The following NCKAP5 variants were observed in gnomAD, a reference collection of about 807,000 sequenced individuals.
NCKAP5 encodes the protein nck-associated protein 5.
Under a neutral mutation model 167.0 loss-of-function variants are expected in NCKAP5, and 92 were observed. That is an observed-to-expected ratio of 0.55 (90% CI 0.47 to 0.66). The LOEUF is 0.66. Ranked by LOEUF, NCKAP5 falls within the 30% of genes least tolerant of loss-of-function variation. The pLI, the probability that NCKAP5 is intolerant of heterozygous loss-of-function variation, is 0.00. For synonymous variants in NCKAP5, 891 were observed against 877.4 expected, an observed-to-expected ratio of 1.02 and a Z score of -0.27; for missense variants, 2,378 against 2,315.0, an observed-to-expected ratio of 1.03 and a Z score of -0.56.
chr2:132,735,073 G>T (rs1691382510), intron 16 of NCKAP5, among the ~76,000 whole-genome samples: 1 of 152,224 alleles, frequency 6.6e-6, no homozygotes, highest in African/African-American at 2.4e-5. Flanking sequence ...CTGGTCCTTT[G>T]CAGGATGCCT....
intron 8 of NCKAP5, among the ~76,000 whole-genome samples, chr2:132,882,528 G>T (rs569135058): frequency 6.6e-6 from 1 of 152,188 alleles, no homozygotes; most frequent in Admixed American, 6.5e-5. Context: ...CCAAACCAGT[G>T]CTAGGAAAAG....
At chr2:132,842,739 T>C (rs536206271) in intron 11 of NCKAP5, among the ~76,000 whole-genome samples, 2 of 152,004 alleles carry the variant, frequency 1.3e-5, no homozygotes, top group South Asian at 4.1e-4. Context: ...TTTTTTTCAC[T>C]TTGTTGCCTA....
chr2:132,752,195 T>C (rs1037484804), intron 16 of NCKAP5, among the ~76,000 whole-genome samples: 2 of 152,234 alleles, frequency 1.3e-5, no homozygotes, highest in African/African-American at 4.8e-5. Flanking sequence ...AAATATGCCA[T>C]TTGCAGGCAT....
chr2:132,758,232 G>A (rs980322465), intron 16 of NCKAP5, among the ~76,000 whole-genome samples: 32 of 152,260 alleles, frequency 2.1e-4, no homozygotes, highest in Admixed American at 5.2e-4. Flanking sequence ...TGGTTTGGTC[G>A]CACTGGTGGA....
chr2:133,635,409 T>G, the NCKAP5 span, among the ~76,000 whole-genome samples: 1 of 152,328 alleles, frequency 6.6e-6, no homozygotes, highest in Non-Finnish European at 1.5e-5. Flanking sequence ...GAGTATCTTC[T>G]GGGAAGACTC....
chr2:132,994,300 C>A, intron 6 of NCKAP5, 61 bp from the exon 7 acceptor site: 1 of 1,229,782 alleles, frequency 8.1e-7, no homozygotes, highest in South Asian at 1.4e-5. Flanking sequence ...CGGATCCACT[C>A]GAGTTGTAGA....
chr2:133,103,174 A>G (rs1283476340), intron 6 of NCKAP5, among the ~76,000 whole-genome samples: 2 of 152,162 alleles, frequency 1.3e-5, no homozygotes, highest in African/African-American at 4.8e-5. Context: ...ACTTTTCTAC[A>G]TGAATGAATG....
chr2:133,593,136 C>G, the NCKAP5 span, among the ~76,000 whole-genome samples: 1 of 152,280 alleles, frequency 6.6e-6, no homozygotes, highest in East Asian at 1.9e-4. Flanking sequence ...CCTAACAAAG[C>G]TGATGCAGAA....
chr2:132,867,327 C>T (rs1010306987), intron 10 of NCKAP5, among the ~76,000 whole-genome samples: 12 of 151,984 alleles, frequency 7.9e-5, no homozygotes, highest in Non-Finnish European at 1.2e-4. Flanking sequence ...GAAAAACAAT[C>T]GAGAAATTAA....
intron 5 of NCKAP5, among the ~76,000 whole-genome samples, chr2:133,141,109 T>C (rs1451005360): frequency 6.6e-6 from 1 of 152,144 alleles, no homozygotes; most frequent in Non-Finnish European, 1.5e-5. Context: ...TAATCCTGAC[T>C]GAGGATAATG....
chr2:133,388,637 G>A (rs1687171091), intron 3 of NCKAP5, among the ~76,000 whole-genome samples: 1 of 152,222 alleles, frequency 6.6e-6, no homozygotes, highest in Admixed American at 6.5e-5. Context: ...CCCACAGGTG[G>A]AGTCTACAGA....
At chr2:132,728,408 C>A (rs1690671165) in intron 18 of NCKAP5, among the ~76,000 whole-genome samples, 1 of 152,146 alleles carries the variant, frequency 6.6e-6, no homozygotes, top group Non-Finnish European at 1.5e-5. Context: ...TCCTTAAAAG[C>A]AATAGAATTA....
At chr2:132,832,650 T>G (rs1687604956) in intron 11 of NCKAP5, among the ~76,000 whole-genome samples, 1 of 152,192 alleles carries the variant, frequency 6.6e-6, no homozygotes, top group African/African-American at 2.4e-5. Flanking sequence ...TTGCTTCACT[T>G]AAGAAAATGA....
chr2:132,933,497 C>G (rs1574681822), intron 8 of NCKAP5, among the ~76,000 whole-genome samples: 1 of 152,270 alleles, frequency 6.6e-6, no homozygotes, highest in East Asian at 1.9e-4. Context: ...GGAAATTTTT[C>G]CAAGTATGCA....
intron 16 of NCKAP5, among the ~76,000 whole-genome samples, chr2:132,751,941 C>A (rs1680149868): frequency 6.6e-6 from 1 of 152,212 alleles, no homozygotes; most frequent in Admixed American, 6.5e-5. Context: ...GGGAAAAGAC[C>A]ATTTCATCTG....
intron 19 of NCKAP5, among the ~76,000 whole-genome samples, chr2:132,722,926 C>T (rs556315263): frequency 6.6e-6 from 1 of 152,152 alleles, no homozygotes; most frequent in African/African-American, 2.4e-5. Context: ...AGCAAGCCTC[C>T]CACCTTCCTC....
Position 133,378,595 on chromosome 2 carries a change from C to T in NCKAP5, c.70-75485G>A, listed in dbSNP as rs151152470. Among the ~76,000 whole-genome samples the T allele has an allele frequency of 1.7e-4, 26 of 152,268 alleles. No individual in the cohort carries two copies. The East Asian group carries it at 4.4e-3, about 26-fold the overall frequency. ...GCCCACACTTCCTTCCCAAGTCTAG[C>T]TGTTGCAGCAGTCTGGGAGCATCCC... On this transcript the variant is annotated intron_variant, in intron 3 of 19. Transcript: ENST00000409261.
Position 132,785,143 on chromosome 2 carries a change from C to T in NCKAP5, c.1668G>A (p.Thr556=), listed in dbSNP as rs773676615. The T allele has an allele frequency of 2.9e-5, 47 of 1,610,076 alleles. No homozygotes were observed. The highest frequency in any genetic ancestry group is 2.0e-4 in the South Asian group (18 of 90,488). Reference sequence around the variant, plus strand: ...GGCCCCTCTCCCTCTGTACCTGAGGCGTCTGCACACTTGGGCACAGCTTCA... The same window carrying T: ...GGCCCCTCTCCCTCTGTACCTGAGGTGTCTGCACACTTGGGCACAGCTTCA... ...LEMKLCPSVQ[T]PQVQRERGPQ... is the part of the protein sequence containing the mutation. The change falls in exon 14 of 20, where the codon ACG becomes ACA. Residue 556 remains threonine, a synonymous_variant. Coordinates refer to ENST00000409261, the MANE Select transcript of NCKAP5 (RefSeq NM_207363.3).
Position 133,478,229 on chromosome 2 carries a change from C to T in NCKAP5, c.69+39229G>A, listed in dbSNP as rs560530980. Among the ~76,000 whole-genome samples the T allele has an allele frequency of 2.0e-5, 3 of 152,338 alleles. No individual in the cohort carries two copies. In the South Asian group the frequency reaches 6.2e-4, roughly 32 times the overall value. On this transcript the variant is annotated intron_variant, in intron 3 of 19. Transcript: ENST00000409261. ...GGTTCCAATCATGCCAGCAAGTCCA[C>T]TGCCCTTTACTGACAGCAGCAGTGA...
Sources: gnomAD v4.1 joint callset for allele counts (sites outside exome capture counted in the v4.1 genomes callset) on GRCh38, gnomAD v4.1.1 for gene constraint, MANE v1.5 for transcripts, NCBI Gene and HGNC (gene_info 2026-07-23, HGNC 2026-07-21) for gene names.